CRY1: variants seen among roughly 807,000 people sequenced by gnomAD.
CRY1 encodes cryptochrome-1.
A neutral mutation model predicts 76.0 loss-of-function variants in CRY1; 45 were observed. The ratio of observed to expected loss-of-function variants is 0.59; its 90% CI spans 0.47 to 0.76. The LOEUF (loss-of-function observed/expected upper bound fraction) is 0.76, where lower values mean the gene tolerates loss of function less well. CRY1 is among the 30% of genes least tolerant of loss of function. CRY1 has a pLI of 0.00. For missense variants in CRY1, 587 were observed against 716.4 expected (o/e 0.82, Z 2.06); for synonymous variants, 248 against 244.0 (o/e 1.02, Z -0.15).
At chr12:107,027,021 G>A (rs1351151242) in intron 1 of CRY1, among the ~76,000 whole-genome samples, 3 of 152,090 alleles carry the variant, frequency 2.0e-5, no homozygotes, top group Non-Finnish European at 2.9e-5. Context: ...TAATCTCTAA[G>A]CATATAATTT....
At chr12:107,083,985 CAA>C (rs773631337) in intron 1 of CRY1, among the ~76,000 whole-genome samples, 6 of 152,154 alleles carry the variant, frequency 3.9e-5, no homozygotes, top group Non-Finnish European at 8.8e-5. Context: ...GCAACTTCAG[CAA>C]AGTCTCGGGA....
intron 1 of CRY1, among the ~76,000 whole-genome samples, chr12:107,082,303 A>G (rs1178470107): frequency 6.6e-6 from 1 of 152,170 alleles, no homozygotes; most frequent in Non-Finnish European, 1.5e-5. Flanking sequence ...CAGAAAATTA[A>G]GAAGGATATT....
chr12:107,008,193 C>T (rs1454329948), intron 2 of CRY1, among the ~76,000 whole-genome samples: 1 of 152,220 alleles, frequency 6.6e-6, no homozygotes, highest in Non-Finnish European at 1.5e-5. Flanking sequence ...TAAACTAGCC[C>T]AGCTCCTTCT....
chr12:107,069,485 T>A (rs914210235), intron 1 of CRY1, among the ~76,000 whole-genome samples: 1 of 147,998 alleles, frequency 6.8e-6, no homozygotes, highest in African/African-American at 2.5e-5. Context: ...TAATGACTAA[T>A]GGTGTTGAAC....
At chr12:107,062,053 G>GAAAAAAAAAAAA (rs1288566543) in intron 1 of CRY1, among the ~76,000 whole-genome samples, 1 of 127,072 alleles carries the variant, frequency 7.9e-6, no homozygotes, top group Non-Finnish European at 1.7e-5. Flanking sequence ...AAGAAAAAAA[G>GAAAAAAAAAAAA]AAAAAAAAAA....
intron 3 of CRY1, among the ~76,000 whole-genome samples, chr12:107,002,178 T>C (rs570277076): frequency 2.0e-5 from 3 of 152,192 alleles, no homozygotes; most frequent in South Asian, 4.1e-4. Context: ...TACACAAATA[T>C]ACTACACAAA....
chr12:107,083,437 T>C (rs142789018), intron 1 of CRY1, among the ~76,000 whole-genome samples: 1 of 151,948 alleles, frequency 6.6e-6, no homozygotes, highest in Non-Finnish European at 1.5e-5. Flanking sequence ...AATATGAAAA[T>C]ACTCAATAAA....
chr12:107,011,494 A>G (rs143648475), intron 2 of CRY1, among the ~76,000 whole-genome samples: 1 of 152,348 alleles, frequency 6.6e-6, no homozygotes, highest in African/African-American at 2.4e-5. Context: ...CACATGAATC[A>G]TAAAAAAAAA....
At chr12:106,999,406 G>A in intron 7 of CRY1, 145 bp downstream of exon 7, 1 of 693,702 alleles carries the variant, frequency 1.4e-6, no homozygotes, top group South Asian at 2.2e-5. Context: ...CTCTGAAAGT[G>A]TCCCCGTATT....
intron 8 of CRY1, 23 bp from the exon 9 acceptor site, chr12:106,997,713 T>C: frequency 6.2e-7 from 1 of 1,612,172 alleles, no homozygotes. Flanking sequence ...AAAGAAAGAT[T>C]ACTAATAAAA....
chr12:107,047,683 T>G (rs1262805220), intron 1 of CRY1, among the ~76,000 whole-genome samples: 1 of 152,188 alleles, frequency 6.6e-6, no homozygotes, highest in Non-Finnish European at 1.5e-5. Flanking sequence ...TAAGGTTTCT[T>G]AAGGCCTCCC....
chr12:107,029,690 A>G (rs1409912989), intron 1 of CRY1, among the ~76,000 whole-genome samples: 1 of 152,058 alleles, frequency 6.6e-6, no homozygotes, highest in Non-Finnish European at 1.5e-5. Flanking sequence ...AAGGAGTGAT[A>G]CTGTTAATTA....
At chr12:106,996,983 A>G (rs1260856839) in intron 10 of CRY1, among the ~76,000 whole-genome samples, 1 of 152,220 alleles carries the variant, frequency 6.6e-6, no homozygotes, top group Non-Finnish European at 1.5e-5. Context: ...CCTAAGGAGT[A>G]AAAAATAATA....
intron 1 of CRY1, among the ~76,000 whole-genome samples, chr12:107,038,726 A>T (rs755503641): frequency 6.6e-6 from 1 of 152,268 alleles, no homozygotes; most frequent in Non-Finnish European, 1.5e-5. Flanking sequence ...TTCAACAGCA[A>T]TACACAGATC....
intron 1 of CRY1, among the ~76,000 whole-genome samples, chr12:107,043,508 C>T (rs1292576154): frequency 1.3e-5 from 2 of 152,054 alleles, no homozygotes; most frequent in African/African-American, 2.4e-5. Context: ...TTGGCTGAGC[C>T]GAGCAGCTGC....
intron 3 of CRY1, 23 bp downstream of exon 3, chr12:107,005,083 G>GT: frequency 2.6e-6 from 4 of 1,514,874 alleles, no homozygotes; most frequent in South Asian, 1.2e-5. Context: ...TTTTCCCACA[G>GT]TAAAAAAAAA....
intron 1 of CRY1, among the ~76,000 whole-genome samples, chr12:107,088,740 C>T (rs564323565): frequency 6.6e-6 from 1 of 152,328 alleles, no homozygotes; most frequent in African/African-American, 2.4e-5. Flanking sequence ...GCAGCAAATG[C>T]TAAGAGTGAT....
chr12:107,064,447 T>C (rs1448490250), intron 1 of CRY1, among the ~76,000 whole-genome samples: 1 of 152,098 alleles, frequency 6.6e-6, no homozygotes, highest in Non-Finnish European at 1.5e-5. Context: ...CAAAACCAAA[T>C]GTTGACAAGG....
intron 1 of CRY1, among the ~76,000 whole-genome samples, chr12:107,085,235 C>T (rs574440149): frequency 7.0e-4 from 107 of 152,272 alleles, no homozygotes; most frequent in African/African-American, 2.5e-3. Flanking sequence ...TTAGGTCAAC[C>T]ATTATGGAAG....
Sources: gnomAD v4.1 joint callset for allele counts (sites outside exome capture counted in the v4.1 genomes callset) on GRCh38, gnomAD v4.1.1 for gene constraint, MANE v1.5 for transcripts, NCBI Gene and HGNC (gene_info 2026-07-23, HGNC 2026-07-21) for gene names.